CCDC85A: variants seen among roughly 807,000 people sequenced by gnomAD.
CCDC85A encodes the protein coiled-coil domain containing 85A.
CCDC85A carries 38 observed loss-of-function variants against 50.2 expected under a neutral mutation model. The observed-to-expected ratio is 0.76, with a 90% CI of 0.58 to 0.99. The LOEUF (loss-of-function observed/expected upper bound fraction) is 0.99. Among genes scored for constraint, CCDC85A ranks in the 50% least tolerant of loss-of-function variants. The pLI is 0.00. For missense variants in CCDC85A, 820 were observed against 742.0 expected, an observed-to-expected ratio of 1.11 and a Z score of -1.22; for synonymous variants, 366 against 301.4, an observed-to-expected ratio of 1.21 and a Z score of -2.22.
At chr2:56,242,152 CTT>C (rs1293126266) in intron 2 of CCDC85A, among the ~76,000 whole-genome samples, 1 of 152,038 alleles carries the variant, frequency 6.6e-6, no homozygotes, top group Admixed American at 6.6e-5. Flanking sequence ...CTATTCAGAT[CTT>C]TTGTCAGTTT....
intron 2 of CCDC85A, among the ~76,000 whole-genome samples, chr2:56,208,234 C>G (rs1305660706): frequency 6.6e-6 from 1 of 151,920 alleles, no homozygotes; most frequent in Non-Finnish European, 1.5e-5. Context: ...TATATTGTTT[C>G]TTAAGGACTG....
chr2:56,267,377 T>C (rs541932050), intron 2 of CCDC85A, among the ~76,000 whole-genome samples: 2 of 152,362 alleles, frequency 1.3e-5, no homozygotes, highest in East Asian at 3.9e-4. Flanking sequence ...TGATTAAATA[T>C]GTTGGGAATG....
chr2:56,267,529 C>G (rs1005146495), intron 2 of CCDC85A, among the ~76,000 whole-genome samples: 1 of 152,160 alleles, frequency 6.6e-6, no homozygotes, highest in African/African-American at 2.4e-5. Context: ...CCCTTGAGTT[C>G]ATTCTGACTG....
In CCDC85A at chr2:56,184,555, C is replaced by A. The variant is rs1007384150; in HGVS notation, c.-70C>A. 446 of 1,355,282 alleles carry A rather than the reference C, an allele frequency of 3.3e-4. No homozygotes were observed. Among genetic ancestry groups the A allele is most frequent in the Middle Eastern group, 2.2e-3 (8 of 3,658 alleles). The allele number at this position is 1,355,282 out of a possible 1,614,324, so 84.0% of individuals were successfully genotyped here. ...ACAGGGGTGTGGGCGGAGGCGGCCT[C>A]GCCGCGCCCGCGCCTTCGGGAGTCG... On this transcript the variant is annotated 5_prime_UTR_variant, in exon 1 of 6. Transcript: ENST00000407595.
chr2:56,241,098 C>T (rs1055492139), intron 2 of CCDC85A, among the ~76,000 whole-genome samples: 1 of 152,048 alleles, frequency 6.6e-6, no homozygotes, highest in African/African-American at 2.4e-5. Flanking sequence ...TCTCTAATAA[C>T]TAAGAAACAT....
At chr2:56,258,597 G>A (rs17268744) in intron 2 of CCDC85A, among the ~76,000 whole-genome samples, 1,627 of 152,340 alleles carry the variant, frequency 0.011, 15 homozygotes, top group Non-Finnish European at 0.017. Flanking sequence ...TTGGTAGAAT[G>A]GGATAGATAG....
At chr2:56,358,858 C>T (rs1001031795) in intron 3 of CCDC85A, among the ~76,000 whole-genome samples, 2 of 151,680 alleles carry the variant, frequency 1.3e-5, no homozygotes, top group Non-Finnish European at 2.9e-5. Flanking sequence ...GATCTTGGCT[C>T]ACTGCAACCT....
intron 2 of CCDC85A, among the ~76,000 whole-genome samples, chr2:56,228,413 T>G (rs1247326271): frequency 6.6e-6 from 1 of 152,154 alleles, no homozygotes; most frequent in Admixed American, 6.5e-5. Context: ...CAATACTAGT[T>G]GGCACATAGC....
At chr2:56,222,343 A>G (rs1231284022) in intron 2 of CCDC85A, among the ~76,000 whole-genome samples, 1 of 152,150 alleles carries the variant, frequency 6.6e-6, no homozygotes, top group Non-Finnish European at 1.5e-5. Context: ...ATATAGCATA[A>G]TGTTTTGATA....
chr2:56,253,290 A>C (rs1432181125), intron 2 of CCDC85A, among the ~76,000 whole-genome samples: 1 of 152,208 alleles, frequency 6.6e-6, no homozygotes, highest in East Asian at 1.9e-4. Context: ...AAGAGACTAG[A>C]AAAGATTCTT....
rs558082781 is a variant in CCDC85A, at chr2:56,267,564, C to T, written c.1240+74124C>T. Among the ~76,000 whole-genome samples, 65 of 152,238 alleles carry T rather than the reference C, an allele frequency of 4.3e-4. 1 individual carries two copies. In the South Asian group the frequency reaches 6.9e-3, roughly 16 times the overall value. Reference sequence around the variant, plus strand: ...GGGACCAGATGGGATGACTGTGGGGCGCCAACATAGCTCGAGCATGCTGGC... The same window carrying T: ...GGGACCAGATGGGATGACTGTGGGGTGCCAACATAGCTCGAGCATGCTGGC... On this transcript the variant is annotated intron_variant, in intron 2 of 5. Coordinates refer to ENST00000407595, the MANE Select transcript of CCDC85A (RefSeq NM_001080433.2).
chr2:56,384,332 A>G lies in CCDC85A; in HGVS notation c.1639A>G (p.Asn547Asp). 1 of 1,611,438 alleles carries G rather than the reference A, an allele frequency of 6.2e-7. No homozygotes were observed. Among genetic ancestry groups the G allele is most frequent in the Non-Finnish European group, 8.5e-7 (1 of 1,178,170 alleles). Reference sequence around the variant, plus strand: ...TGGAATTAGGCAACATTTGTCAGGAAACCAGTACAAAGGACCAATGTGAGA... The same window carrying G: ...TGGAATTAGGCAACATTTGTCAGGAGACCAGTACAAAGGACCAATGTGAGA... ...CPGIRQHLSG[N>D]QYKGPM is the part of the protein sequence containing the mutation. Residue 547 changes from asparagine (N) to aspartate (D), a missense_variant, in exon 6 of 6, where the codon AAC (asparagine) becomes GAC (aspartate). Transcript: ENST00000407595.
At chr2:56,234,579 A>T (rs578059620) in intron 2 of CCDC85A, among the ~76,000 whole-genome samples, 2 of 151,520 alleles carry the variant, frequency 1.3e-5, no homozygotes. Flanking sequence ...TCATCTTGCA[A>T]CTCCTCAGTC....
intron 5 of CCDC85A, among the ~76,000 whole-genome samples, chr2:56,378,905 T>A (rs1414166941): frequency 6.6e-6 from 1 of 152,182 alleles, no homozygotes; most frequent in Non-Finnish European, 1.5e-5. Flanking sequence ...TTTGTATTAC[T>A]TCAACACTTT....
intron 2 of CCDC85A, among the ~76,000 whole-genome samples, chr2:56,266,675 T>C (rs1460749657): frequency 6.7e-6 from 1 of 148,954 alleles, no homozygotes; most frequent in Admixed American, 6.8e-5. Context: ...ATTTCTGGTT[T>C]ATGGTTTTAA....
At chr2:56,374,155 A>C (rs1415404488) in intron 4 of CCDC85A, among the ~76,000 whole-genome samples, 1 of 152,172 alleles carries the variant, frequency 6.6e-6, no homozygotes, top group South Asian at 2.1e-4. Context: ...TTTTAGTTTT[A>C]GTAGCAATGG....
chr2:56,349,763 A>T (rs1196710151), intron 3 of CCDC85A, among the ~76,000 whole-genome samples: 1 of 151,936 alleles, frequency 6.6e-6, no homozygotes, highest in Non-Finnish European at 1.5e-5. Flanking sequence ...TCAATAATTC[A>T]TATTTAATAG....
rs776340950 is a variant in CCDC85A at position 56,372,437 on chromosome 2, C to T, written c.1411C>T (p.Gln471Ter). Residue 471 changes from glutamine to a stop codon, truncating the protein, a stop_gained, in exon 4 of 6, where the codon CAA becomes TAA. Coordinates refer to ENST00000407595, the MANE Select transcript of CCDC85A (RefSeq NM_001080433.2). LOFTEE classifies it high-confidence loss of function. ...SRARRVLQWW[Q>*]GCRGIGRCLP... Reference sequence around the variant, plus strand: ...AGCCCGGCGGGTCTTGCAGTGGTGGCAAGGGTGCCGAGGAATAGGACGATG... The same window carrying T: ...AGCCCGGCGGGTCTTGCAGTGGTGGTAAGGGTGCCGAGGAATAGGACGATG... 1 of 1,609,416 alleles carries T rather than the reference C, an allele frequency of 6.2e-7. No individual in the cohort carries two copies.
intron 2 of CCDC85A, among the ~76,000 whole-genome samples, chr2:56,248,259 C>T (rs1669597384): frequency 1.3e-5 from 2 of 152,160 alleles, no homozygotes; most frequent in Admixed American, 6.5e-5. Flanking sequence ...AAGATGTATT[C>T]TGGGGTTGGC....
Sources: allele counts gnomAD v4.1 joint callset (sites outside exome capture counted in the v4.1 genomes callset), GRCh38; gene constraint gnomAD v4.1.1; transcripts MANE v1.5; gene names NCBI Gene and HGNC (gene_info 2026-07-23, HGNC 2026-07-21).